The following DSC1 variants were observed in gnomAD, a reference collection of about 807,000 sequenced individuals.
DSC1 encodes the protein desmocollin-1.
Under a neutral mutation model 98.8 loss-of-function variants are expected in DSC1, and 79 were observed. That is an observed-to-expected ratio of 0.80 (90% confidence interval 0.67 to 0.96). DSC1 has a LOEUF of 0.96. Among genes scored for constraint, DSC1 ranks in the 50% least tolerant of loss-of-function variants. The pLI, the probability that DSC1 is intolerant of heterozygous loss-of-function variation, is 0.00. For synonymous variants in DSC1, 405 were observed against 372.1 expected (o/e 1.09, Z -1.02); for missense variants, 1,115 against 1,075.9 (o/e 1.04, Z -0.51).
chr18:31,135,181 C>T (rs565252353), intron 11 of DSC1, among the ~76,000 whole-genome samples: 12 of 152,076 alleles, frequency 7.9e-5, no homozygotes, highest in Non-Finnish European at 1.6e-4. Context: ...ACTTTTTTCC[C>T]AAACCTTGAA....
intron 9 of DSC1, 120 bp from the exon 10 acceptor site, chr18:31,140,421 C>T (rs775585044): frequency 2.7e-6 from 3 of 1,102,078 alleles, no homozygotes; most frequent in Non-Finnish European, 1.2e-6. Context: ...AAAGTTAGGT[C>T]TAATACAGTT....
At chr18:31,150,077 C>A (rs1360351723) in intron 5 of DSC1, among the ~76,000 whole-genome samples, 1 of 151,334 alleles carries the variant, frequency 6.6e-6, no homozygotes, top group Non-Finnish European at 1.5e-5. Flanking sequence ...TCACCACCAC[C>A]ATCAGCAGCA....
chr18:31,147,961 C>A lies in DSC1; in HGVS notation c.772+537G>T, dbSNP rs1037531570. 2.8e-5 allele frequency among the ~76,000 whole-genome samples: 4 copies of A among 140,764 alleles called. No homozygotes were observed. The East Asian group carries it at 7.9e-4, about 28-fold the overall frequency. The allele number at this position is 140,764 out of a possible 152,430, so 92.3% of individuals were successfully genotyped here. ...CCTTAAATGACACTTTTTAAAAAACCACTGAATGAATGAATGAATGAATGA... is the reference window on the plus strand; with the variant it reads ...CCTTAAATGACACTTTTTAAAAAACAACTGAATGAATGAATGAATGAATGA... On this transcript the variant is annotated intron_variant, in intron 6 of 15. Coordinates refer to ENST00000257198, the MANE Select transcript of DSC1 (RefSeq NM_024421.2).
intron 11 of DSC1, among the ~76,000 whole-genome samples, chr18:31,139,471 C>G (rs1236125377): frequency 6.6e-6 from 1 of 152,136 alleles, no homozygotes; most frequent in Non-Finnish European, 1.5e-5. Context: ...ATATATAGAT[C>G]ATCTTTGAAT....
intron 4 of DSC1, 106 bp from the exon 5 acceptor site, chr18:31,155,035 C>G: frequency 7.8e-7 from 1 of 1,288,942 alleles, no homozygotes; most frequent in Middle Eastern, 2.0e-4. Flanking sequence ...TTCCTACTCT[C>G]CTATTCTTTC....
Position 31,134,626 on chromosome 18 carries a change from G to A in DSC1, c.1822C>T (p.Gln608Ter), listed in dbSNP as rs1988569610. The change falls in exon 12 of 16, where the codon CAA becomes TAA. Residue 608 changes from glutamine to a stop codon, truncating the protein, a stop_gained. Transcript: ENST00000257198. LOFTEE classifies it high-confidence loss of function. ...CTGGCAGAATTATCCAGAAAGAATT[G>A]AAAAGGTGGTCCATTTTCAGGTCCA... ...PDGPENGPPF[Q>*]FFLDNSASKN... The A allele has an allele frequency of 6.2e-7, 1 of 1,612,488 alleles. No individual in the cohort carries two copies. The highest frequency in any genetic ancestry group is 1.7e-5 in the Admixed American group (1 of 59,810).
intron 1 of DSC1, among the ~76,000 whole-genome samples, chr18:31,161,723 G>C (rs556096731): frequency 2.0e-5 from 3 of 152,198 alleles, no homozygotes; most frequent in African/African-American, 7.2e-5. Flanking sequence ...AACTTAAGAT[G>C]GTATCTGAGT....
At chr18:31,157,661 G>A in intron 2 of DSC1, 88 bp from the exon 3 acceptor site, 1 of 1,422,460 alleles carries the variant, frequency 7.0e-7, no homozygotes, top group Non-Finnish European at 9.8e-7. Context: ...GTTAATGCAT[G>A]AGAAGCAGAA....
intron 1 of DSC1, among the ~76,000 whole-genome samples, chr18:31,159,965 A>G (rs943813136): frequency 8.5e-5 from 13 of 152,240 alleles, no homozygotes; most frequent in Non-Finnish European, 1.8e-4. Flanking sequence ...GATGAAGTCT[A>G]GAAAATAGTT....
At position 31,159,367 on chromosome 18, in the gene DSC1, T is replaced by C. The variant is rs1989167037; in HGVS notation, c.148+78A>G. ...CGCGCCCGGCCTACTATGTGGTTTT[T>C]ATCCCAAACTTTACAAGAGCAGCCT... On this transcript the variant is annotated intron_variant, in intron 2 of 15. Coordinates refer to ENST00000257198, the MANE Select transcript of DSC1 (RefSeq NM_024421.2). The C allele has an allele frequency of 8.1e-6, 12 of 1,489,686 alleles. No individual in the cohort carries two copies. The Admixed American group carries it at 1.3e-4, about 16-fold the overall frequency. The allele number at this position is 1,489,686 out of a possible 1,614,324, so 92.3% of individuals were successfully genotyped here.
intron 5 of DSC1, among the ~76,000 whole-genome samples, chr18:31,151,860 A>G (rs1989005679): frequency 6.6e-6 from 1 of 152,132 alleles, no homozygotes; most frequent in Non-Finnish European, 1.5e-5. Flanking sequence ...TGCCCAGAAG[A>G]GAAAATAAAC....
intron 6 of DSC1, among the ~76,000 whole-genome samples, chr18:31,146,512 A>C (rs1018577902): frequency 3.3e-5 from 5 of 152,138 alleles, no homozygotes; most frequent in Non-Finnish European, 7.4e-5. Flanking sequence ...GATTCATTTC[A>C]TGTCTTTGCT....
chr18:31,137,811 C>G (rs1988643454), intron 11 of DSC1, among the ~76,000 whole-genome samples: 2 of 152,038 alleles, frequency 1.3e-5, no homozygotes, highest in South Asian at 4.1e-4. Flanking sequence ...CAATGCTACT[C>G]TAGGTGGAAG....
At chr18:31,131,526 G>T in intron 15 of DSC1, 68 bp downstream of exon 15, 4 of 1,579,768 alleles carry the variant, frequency 2.5e-6, no homozygotes, top group South Asian at 1.2e-5. Context: ...TAAAACTTTT[G>T]GGAAATTCTG....
intron 5 of DSC1, 97 bp from the exon 6 acceptor site, chr18:31,148,739 A>AC: frequency 7.9e-7 from 1 of 1,262,186 alleles, no homozygotes; most frequent in East Asian, 2.5e-5. Context: ...TTAAAAAAAA[A>AC]AATCATTCCC....
At chr18:31,134,243 TC>T in intron 12 of DSC1, 113 bp from the exon 13 acceptor site, 1 of 1,371,454 alleles carries the variant, frequency 7.3e-7, no homozygotes. Context: ...CTCGAATTTT[TC>T]TTTTTTTTTT....
chr18:31,145,769 C>G lies in DSC1; in HGVS notation c.781G>C (p.Val261Leu), dbSNP rs141389426. 6.2e-7 allele frequency: 1 copy of G among 1,613,112 alleles called. No homozygotes were observed. The highest frequency in any genetic ancestry group is 8.5e-7 in the Non-Finnish European group (1 of 1,179,586). The change falls in exon 7 of 16, where the codon GTG becomes CTG. Residue 261 changes from valine (V) to leucine (L), a missense_variant. By Grantham distance (32) the Val-to-Leu change is conservative (BLOSUM62 1). Coordinates refer to ENST00000257198, the MANE Select transcript of DSC1 (RefSeq NM_024421.2). The part of the protein sequence containing the change: ...VPENCRSGTS[V>L]GKVTATDLDE... Reference sequence around the variant, plus strand: ...AGGTCTGTGGCGGTCACTTTTCCCACTGAAGTTCCTGTTTAGATAAATCCA... The same window carrying G: ...AGGTCTGTGGCGGTCACTTTTCCCAGTGAAGTTCCTGTTTAGATAAATCCA...
chr18:31,151,207 T>C (rs1598626666), intron 5 of DSC1, among the ~76,000 whole-genome samples: 1 of 152,362 alleles, frequency 6.6e-6, no homozygotes, highest in East Asian at 1.9e-4. Context: ...TAAATATTAT[T>C]TCACATTCCG....
Position 31,142,025 on chromosome 18 carries a change from T to C in DSC1, c.1234A>G (p.Asn412Asp). ...TTGACAACACACAGCACTCCTTCAT[T>C]TGTATTTGGATCTGTGCTAATTATG... ...NFIISTDPNT[N>D]EGVLCVVKPL... Residue 412 changes from asparagine (N) to aspartate (D), a missense_variant, in exon 9 of 16, where the codon AAT (asparagine) becomes GAT (aspartate). By Grantham distance (23) the Asn-to-Asp change is conservative. Coordinates refer to ENST00000257198, the MANE Select transcript of DSC1 (RefSeq NM_024421.2). 1 of 1,607,722 alleles carries C rather than the reference T, an allele frequency of 6.2e-7. No homozygotes were observed. Among genetic ancestry groups the C allele is most frequent in the African/African-American group, 1.3e-5 (1 of 74,592 alleles).
Sources: allele counts gnomAD v4.1 joint callset (sites outside exome capture counted in the v4.1 genomes callset), GRCh38; gene constraint gnomAD v4.1.1; transcripts MANE v1.5; gene names NCBI Gene and HGNC (gene_info 2026-07-23, HGNC 2026-07-21).